Variants in CDH23 observed in about 807,000 individuals in gnomAD.
CDH23 encodes the protein cadherin-23.
In CDH23, 189 loss-of-function variants were observed where a neutral mutation model predicts 317.1. That is an observed-to-expected ratio of 0.60 (90% CI 0.53 to 0.67). The LOEUF (loss-of-function observed/expected upper bound fraction) is 0.67. Ranked by LOEUF, CDH23 falls within the 30% of genes least tolerant of loss-of-function variation. The pLI, the probability that CDH23 is intolerant of heterozygous loss-of-function variation, is 0.00. For missense variants in CDH23, 4,401 were observed against 4,592.4 expected (o/e 0.96, Z 1.20); for synonymous variants, 1,839 against 1,876.8 (o/e 0.98, Z 0.52).
chr10:71,475,294 G>A (rs778609241), intron 3 of CDH23, among the ~76,000 whole-genome samples: 1 of 152,224 alleles, frequency 6.6e-6, no homozygotes, highest in Non-Finnish European at 1.5e-5. Context: ...GACCTCCCAA[G>A]TGTGAGCATC....
intron 14 of CDH23, among the ~76,000 whole-genome samples, chr10:71,655,359 A>G (rs1665725): frequency 0.82 from 124,360 of 151,934 alleles, 51,325 homozygotes; most frequent in African/African-American, 0.89. Context: ...CTCAACCCTC[A>G]GCATTTTCTT....
intron 41 of CDH23, among the ~76,000 whole-genome samples, chr10:71,779,893 G>A (rs1840909896): frequency 6.6e-6 from 1 of 152,214 alleles, no homozygotes; most frequent in Admixed American, 6.5e-5. Flanking sequence ...TGGATGAAGA[G>A]CAGAGTTTGC....
At position 71,576,079 on chromosome 10, in the gene CDH23, G is replaced by A. The variant is rs562001889; in HGVS notation, c.754-1835G>A. Among the ~76,000 whole-genome samples, 42 of 152,320 alleles carry A rather than the reference G, an allele frequency of 2.8e-4. No individual in the cohort carries two copies. In the South Asian group the frequency reaches 8.7e-3, roughly 32 times the overall value. On this transcript the variant is annotated intron_variant, in intron 8 of 69. Coordinates refer to ENST00000224721, the MANE Select transcript of CDH23 (RefSeq NM_022124.6). ...TCCACAGAGCCCTGCCCGCCCAGGGGGCCTCTGGGCAGCCCCATGCAGGAG... is the reference window on the plus strand; with the variant it reads ...TCCACAGAGCCCTGCCCGCCCAGGGAGCCTCTGGGCAGCCCCATGCAGGAG...
chr10:71,665,529 C>T (rs759708136), intron 14 of CDH23, among the ~76,000 whole-genome samples: 1 of 152,156 alleles, frequency 6.6e-6, no homozygotes, highest in South Asian at 2.1e-4. Flanking sequence ...AGCAGAGGGA[C>T]CTGTGGGTGC....
chr10:71,713,378 G>A lies in CDH23; in HGVS notation c.3369+565G>A, dbSNP rs1866070170. On this transcript the variant is annotated intron_variant, in intron 28 of 69. Transcript: ENST00000224721. Reference sequence around the variant, plus strand: ...GAGGCCTCAGTTGCTGGGTGGGGAGGGAGGCCCGGAGTGAATGAGTCTCTT... The same window carrying A: ...GAGGCCTCAGTTGCTGGGTGGGGAGAGAGGCCCGGAGTGAATGAGTCTCTT... 5 of 722,670 alleles carry A rather than the reference G, an allele frequency of 6.9e-6. No individual in the cohort carries two copies. The South Asian group carries it at 7.4e-5, about 11-fold the overall frequency. The allele number at this position is 722,670 out of a possible 1,614,324, so 44.8% of individuals were successfully genotyped here. A position where few individuals can be genotyped will look rare whatever the true frequency, so the allele number is the denominator to read the frequency against.
At chr10:71,416,353 A>G (rs1443517726) in intron 1 of CDH23, among the ~76,000 whole-genome samples, 1 of 152,154 alleles carries the variant, frequency 6.6e-6, no homozygotes, top group Non-Finnish European at 1.5e-5. Context: ...TTATTAGAGT[A>G]ATTTTTTTCT....
chr10:71,690,526 G>A lies in CDH23; in HGVS notation c.2118G>A (p.Gln706=), dbSNP rs1384856354. ...TGGACCGCTCCCGGGAGTACGGCCAGGAGTCCATCATCTACTCCTTGGAAG... is the reference window on the plus strand; with the variant it reads ...TGGACCGCTCCCGGGAGTACGGCCAAGAGTCCATCATCTACTCCTTGGAAG... The part of the protein sequence containing the change: ...TDLDRSREYG[Q]ESIIYSLEGS... The change falls in exon 20 of 70, where the codon CAG becomes CAA. Residue 706 remains glutamine (Q), a synonymous_variant. Coordinates refer to ENST00000224721, the MANE Select transcript of CDH23 (RefSeq NM_022124.6). The A allele has an allele frequency of 1.9e-6, 3 of 1,611,692 alleles. No homozygotes were observed. The highest frequency in any genetic ancestry group is 1.7e-6 in the Non-Finnish European group (2 of 1,179,046).
intron 6 of CDH23, among the ~76,000 whole-genome samples, chr10:71,559,695 C>A (rs1371748686): frequency 6.6e-6 from 1 of 152,170 alleles, no homozygotes; most frequent in Non-Finnish European, 1.5e-5. Flanking sequence ...GAGAGATGTC[C>A]TCGAGCCATG....
At position 71,782,131 on chromosome 10, in the gene CDH23, C is replaced by T. The variant is rs905764110; in HGVS notation, c.5369-2156C>T. The stretch of plus-strand genomic sequence containing the variant: ...CAGATGCCAGATTTCTGAGCACTTA[C>T]CAGCCCCACTGAGCCCTTAGGAGGA... On this transcript the variant is annotated intron_variant, in intron 41 of 69. Transcript: ENST00000224721. 2.6e-5 allele frequency among the ~76,000 whole-genome samples: 4 copies of T among 152,350 alleles called. No homozygotes were observed. In the South Asian group the frequency reaches 6.2e-4, roughly 24 times the overall value.
chr10:71,598,474 T>C (rs1159096990), intron 9 of CDH23, among the ~76,000 whole-genome samples: 1 of 152,116 alleles, frequency 6.6e-6, no homozygotes, highest in African/African-American at 2.4e-5. Context: ...GAGTTTGGAG[T>C]GGGAGTGCTA....
At chr10:71,513,105 G>A (rs565924043) in intron 6 of CDH23, among the ~76,000 whole-genome samples, 1 of 152,316 alleles carries the variant, frequency 6.6e-6, no homozygotes, top group African/African-American at 2.4e-5. Flanking sequence ...AGGCTGAGAG[G>A]AGCCAGCTGC....
Position 71,737,712 on chromosome 10 carries a change from G to C in CDH23, c.4210-786G>C, listed in dbSNP as rs146138529. The C allele has an allele frequency of 5.7e-4, 270 of 470,784 alleles. 4 individuals carry two copies. The highest frequency in any genetic ancestry group is 4.7e-3 in the African/African-American group (236 of 50,188). 29.2% of individuals were successfully genotyped at this position (470,784 alleles called of 1,614,324 possible). A position where few individuals can be genotyped will look rare whatever the true frequency, so the allele number is the denominator to read the frequency against. On this transcript the variant is annotated intron_variant, in intron 34 of 69. Coordinates refer to ENST00000224721, the MANE Select transcript of CDH23 (RefSeq NM_022124.6). ...TCCAACCCCCCTCACACCCTCATCAGTGAACCCCTGGGTACCTGTGATTCC... is the reference window on the plus strand; with the variant it reads ...TCCAACCCCCCTCACACCCTCATCACTGAACCCCTGGGTACCTGTGATTCC...
intron 1 of CDH23, among the ~76,000 whole-genome samples, chr10:71,438,347 C>CAAAAAAAAAA (rs10596696): frequency 6.5e-4 from 64 of 98,346 alleles, no homozygotes; most frequent in Admixed American, 7.8e-4. Flanking sequence ...CTGTCTCAAA[C>CAAAAAAAAAA]AAAAAAAAAA....
chr10:71,452,047 G>A (rs907140794), intron 3 of CDH23, among the ~76,000 whole-genome samples: 7 of 152,216 alleles, frequency 4.6e-5, no homozygotes, highest in African/African-American at 1.2e-4. Flanking sequence ...GATGCTGTAC[G>A]TGCCTATGCT....
chr10:71,787,633 A>G (rs1209043063), intron 44 of CDH23, among the ~76,000 whole-genome samples: 2 of 152,214 alleles, frequency 1.3e-5, no homozygotes, highest in Admixed American at 6.5e-5. Context: ...AAGTGAAAAT[A>G]TGCAATATTT....
intron 11 of CDH23, among the ~76,000 whole-genome samples, chr10:71,628,048 C>T (rs1051145614): frequency 3.9e-5 from 6 of 152,216 alleles, no homozygotes; most frequent in Admixed American, 1.3e-4. Flanking sequence ...CACCTCATAC[C>T]CCTAACAGTG....
intron 9 of CDH23, among the ~76,000 whole-genome samples, chr10:71,613,435 T>A (rs1210915479): frequency 6.6e-6 from 1 of 152,136 alleles, no homozygotes; most frequent in Non-Finnish European, 1.5e-5. Flanking sequence ...ATGTTAGAGA[T>A]TCCGAAGGCA....
rs959830524 is a variant in CDH23, at chr10:71,798,303, C to T, written c.6830-51C>T. 4.5e-5 allele frequency: 65 copies of T among 1,429,092 alleles called. No homozygotes were observed. In the African/African-American group the frequency reaches 8.7e-4, roughly 19 times the overall value. The allele number at this position is 1,429,092 out of a possible 1,614,324, so 88.5% of individuals were successfully genotyped here. On this transcript the variant is annotated intron_variant, in intron 49 of 69. Transcript: ENST00000224721. ...GGCTGAGGCTAAGGAAGGCCTGGCCCAGCCACACTAGTGTCCTTCCCCTCT... is the reference window on the plus strand; with the variant it reads ...GGCTGAGGCTAAGGAAGGCCTGGCCTAGCCACACTAGTGTCCTTCCCCTCT...
intron 10 of CDH23, among the ~76,000 whole-genome samples, chr10:71,616,642 G>A (rs1265248134): frequency 6.6e-6 from 1 of 152,230 alleles, no homozygotes; most frequent in Non-Finnish European, 1.5e-5. Flanking sequence ...CTCACCCAGA[G>A]AGATTCAGAT....
Sources: gnomAD v4.1 joint callset for allele counts (sites outside exome capture counted in the v4.1 genomes callset) on GRCh38, gnomAD v4.1.1 for gene constraint, MANE v1.5 for transcripts, NCBI Gene and HGNC (gene_info 2026-07-23, HGNC 2026-07-21) for gene names.